The following CNTNAP5 variants were observed in gnomAD, a reference collection of about 807,000 sequenced individuals.
The protein encoded by CNTNAP5 is contactin associated protein family member 5.
Under a neutral mutation model 150.2 loss-of-function variants are expected in CNTNAP5, and 72 were observed. The ratio of observed to expected loss-of-function variants is 0.48; its 90% confidence interval spans 0.40 to 0.58. The LOEUF is 0.58. Ranked by LOEUF, CNTNAP5 falls within the 20% of genes least tolerant of loss-of-function variation. CNTNAP5 has a pLI of 0.00. For synonymous variants in CNTNAP5, 672 were observed against 619.8 expected, an observed-to-expected ratio of 1.08 and a Z score of -1.25; for missense variants, 1,636 against 1,626.2, an observed-to-expected ratio of 1.01 and a Z score of -0.10.
chr2:124,838,383 T>C (rs1485614725), intron 19 of CNTNAP5, among the ~76,000 whole-genome samples: 1 of 152,102 alleles, frequency 6.6e-6, no homozygotes, highest in Non-Finnish European at 1.5e-5. Flanking sequence ...CTGGCCTGCC[T>C]CTCAAAAAAC....
Position 124,504,512 on chromosome 2 carries a change from T to C in CNTNAP5, c.1283T>C (p.Leu428Pro). 2 of 1,613,866 alleles carry C rather than the reference T, an allele frequency of 1.2e-6. No individual in the cohort carries two copies. The highest frequency in any genetic ancestry group is 1.3e-5 in the African/African-American group (1 of 75,032). ...AGCCTGGAGGGTGGAATCCTGAGAC[T>C]CGTGATTCAGAAAATGACAGAACGC... ...LLSLEGGILR[L>P]VIQKMTERVA... The change falls in exon 8 of 24, where the codon CTC (leucine) becomes CCC (proline). Residue 428 changes from leucine to proline, a missense_variant. By Grantham distance (98) the Leu-to-Pro change is moderately conservative (BLOSUM62 -3). Transcript: ENST00000682447.
chr2:124,854,951 G>A (rs1172832420), intron 19 of CNTNAP5, among the ~76,000 whole-genome samples: 3 of 152,098 alleles, frequency 2.0e-5, no homozygotes, highest in African/African-American at 4.8e-5. Context: ...GCAAGTAGGT[G>A]TTTTCAGCTA....
chr2:124,242,528 C>A, intron 3 of CNTNAP5, 135 bp downstream of exon 3: 1 of 861,704 alleles, frequency 1.2e-6, no homozygotes, highest in Non-Finnish European at 1.8e-6. Flanking sequence ...AATAATTAGA[C>A]AATTTTTAAG....
intron 11 of CNTNAP5, among the ~76,000 whole-genome samples, chr2:124,575,573 G>C (rs1696264604): frequency 6.6e-6 from 1 of 152,044 alleles, no homozygotes; most frequent in South Asian, 2.1e-4. Context: ...ATTTCTCCTG[G>C]AATGTTCTTC....
At chr2:124,459,807 AAT>A (rs1262919512) in intron 6 of CNTNAP5, among the ~76,000 whole-genome samples, 3 of 151,970 alleles carry the variant, frequency 2.0e-5, no homozygotes, top group Non-Finnish European at 4.4e-5. Context: ...CAATGGGAAT[AAT>A]ACAGCCCATG....
intron 13 of CNTNAP5, among the ~76,000 whole-genome samples, chr2:124,675,952 C>A (rs1437661827): frequency 1.3e-5 from 2 of 151,978 alleles, no homozygotes; most frequent in Non-Finnish European, 2.9e-5. Flanking sequence ...GAAAATAGGA[C>A]ATTTCAGATA....
At chr2:124,126,403 G>A (rs905736886) in intron 1 of CNTNAP5, among the ~76,000 whole-genome samples, 5 of 133,472 alleles carry the variant, frequency 3.7e-5, no homozygotes, top group African/African-American at 5.7e-5. Context: ...CTCTGAAATT[G>A]AGCCAATAAT....
intron 13 of CNTNAP5, among the ~76,000 whole-genome samples, chr2:124,726,584 C>T (rs1000828495): frequency 1.9e-4 from 29 of 152,048 alleles, no homozygotes. Context: ...CAGACTAATA[C>T]AATTAGTGAT....
intron 14 of CNTNAP5, among the ~76,000 whole-genome samples, chr2:124,749,314 C>A (rs932620581): frequency 6.6e-6 from 1 of 151,986 alleles, no homozygotes; most frequent in Non-Finnish European, 1.5e-5. Context: ...CCCCTAGTTA[C>A]TCTTGACTCT....
chr2:124,167,765 T>C (rs952040439), intron 1 of CNTNAP5, among the ~76,000 whole-genome samples: 2 of 152,232 alleles, frequency 1.3e-5, no homozygotes, highest in Non-Finnish European at 1.5e-5. Context: ...CCAGGAAAGG[T>C]CACATATACA....
intron 6 of CNTNAP5, among the ~76,000 whole-genome samples, chr2:124,448,202 T>C (rs79405779): frequency 0.15 from 23,028 of 151,576 alleles, 1,899 homozygotes; most frequent in Non-Finnish European, 0.19. Context: ...TGGGAGGTGG[T>C]GCTTGCAGTG....
chr2:124,213,640 A>G (rs1262393780), intron 1 of CNTNAP5, among the ~76,000 whole-genome samples: 1 of 152,228 alleles, frequency 6.6e-6, no homozygotes, highest in Non-Finnish European at 1.5e-5. Flanking sequence ...GTACAGAATT[A>G]CCAACATTTG....
At chr2:124,811,259 G>T (rs1158516007) in intron 19 of CNTNAP5, among the ~76,000 whole-genome samples, 2 of 152,060 alleles carry the variant, frequency 1.3e-5, no homozygotes, top group African/African-American at 4.8e-5. Flanking sequence ...AACATATTTA[G>T]TAAAATAGAG....
chr2:124,234,961 A>G (rs1184826470), intron 2 of CNTNAP5, among the ~76,000 whole-genome samples: 1 of 152,204 alleles, frequency 6.6e-6, no homozygotes, highest in Non-Finnish European at 1.5e-5. Context: ...GCCAAAAGCC[A>G]GCATCTTGGA....
intron 13 of CNTNAP5, among the ~76,000 whole-genome samples, chr2:124,666,618 G>A (rs564853385): frequency 6.6e-6 from 1 of 152,012 alleles, no homozygotes; most frequent in South Asian, 2.1e-4. Flanking sequence ...AGGGGCGAGG[G>A]GTCTCTTCAG....
At chr2:124,124,451 A>G (rs938792351) in intron 1 of CNTNAP5, among the ~76,000 whole-genome samples, 1 of 152,252 alleles carries the variant, frequency 6.6e-6, no homozygotes, top group South Asian at 2.1e-4. Context: ...TGTACCTAAA[A>G]GAGACGGGGA....
At chr2:124,460,365 A>G (rs1188994308) in intron 6 of CNTNAP5, among the ~76,000 whole-genome samples, 1 of 152,222 alleles carries the variant, frequency 6.6e-6, no homozygotes, top group Non-Finnish European at 1.5e-5. Flanking sequence ...GAAAGAATAC[A>G]TTATTTAAAA....
chr2:124,523,793 CA>C, intron 8 of CNTNAP5, among the ~76,000 whole-genome samples: 1 of 152,326 alleles, frequency 6.6e-6, no homozygotes, highest in African/African-American at 2.4e-5. Context: ...CTCTCTCCAA[CA>C]GGAGGCTGCC....
intron 5 of CNTNAP5, among the ~76,000 whole-genome samples, chr2:124,439,794 G>A (rs982428902): frequency 6.6e-6 from 1 of 152,140 alleles, no homozygotes; most frequent in Non-Finnish European, 1.5e-5. Flanking sequence ...GGCTGGGACA[G>A]GGAGGTAAAA....
Sources: allele counts gnomAD v4.1 joint callset (sites outside exome capture counted in the v4.1 genomes callset), GRCh38; gene constraint gnomAD v4.1.1; transcripts MANE v1.5; gene names NCBI Gene and HGNC (gene_info 2026-07-23, HGNC 2026-07-21).